Variants in ZNF407 observed in about 807,000 individuals in gnomAD.
ZNF407 encodes zinc finger protein 407.
ZNF407 carries 17 observed loss-of-function variants against 131.2 expected under a neutral mutation model. That is an observed-to-expected ratio of 0.13 (90% CI 0.09 to 0.19). ZNF407 has a LOEUF of 0.19. ZNF407 is among the 10% of genes least tolerant of loss of function. ZNF407 has a pLI of 1.00. For missense variants in ZNF407, 2,681 were observed against 2,830.6 expected (o/e 0.95, Z 1.20); for synonymous variants, 1,156 against 1,062.0 (o/e 1.09, Z -1.72).
chr18:74,992,215 A>G (rs1212479020), intron 8 of ZNF407, among the ~76,000 whole-genome samples: 2 of 152,260 alleles, frequency 1.3e-5, no homozygotes, highest in African/African-American at 4.8e-5. Context: ...AGAGACAGAC[A>G]CTGAACAAAA....
intron 8 of ZNF407, among the ~76,000 whole-genome samples, chr18:74,969,399 A>G (rs1347586295): frequency 6.6e-6 from 1 of 152,094 alleles, no homozygotes. Context: ...TTTTTATTTT[A>G]GTAGACGTTT....
intron 4 of ZNF407, among the ~76,000 whole-genome samples, chr18:74,844,978 A>G (rs911628678): frequency 2.0e-5 from 3 of 152,230 alleles, no homozygotes; most frequent in African/African-American, 7.2e-5. Context: ...ACCAGAAGGA[A>G]GAAGAGCCAG....
chr18:74,630,271 C>T (rs961816795), intron 1 of ZNF407, among the ~76,000 whole-genome samples: 3 of 150,752 alleles, frequency 2.0e-5, no homozygotes, highest in East Asian at 2.0e-4. Context: ...CCCGGGTTCA[C>T]GCCATTCTCC....
At chr18:74,711,956 C>G (rs530297914) in intron 3 of ZNF407, among the ~76,000 whole-genome samples, 149 of 152,286 alleles carry the variant, frequency 9.8e-4, no homozygotes, top group Middle Eastern at 3.4e-3. Flanking sequence ...GTGACCCACC[C>G]GCCTCGGCCT....
chr18:74,803,519 A>G (rs1366795923), intron 4 of ZNF407, among the ~76,000 whole-genome samples: 3 of 152,182 alleles, frequency 2.0e-5, no homozygotes, highest in Non-Finnish European at 2.9e-5. Context: ...TTGAGAATGC[A>G]TAGTGTTTAT....
At chr18:74,641,195 A>T in intron 3 of ZNF407, 73 bp downstream of exon 3, 1 of 1,242,302 alleles carries the variant, frequency 8.0e-7, no homozygotes. Context: ...TTCGGAATTC[A>T]AAACCGATAG....
chr18:74,827,994 A>G (rs141180287), intron 4 of ZNF407, among the ~76,000 whole-genome samples: 1 of 152,226 alleles, frequency 6.6e-6, no homozygotes, highest in Non-Finnish European at 1.5e-5. Flanking sequence ...CCCTATACAT[A>G]GCTGATTTCT....
rs947460972 is a variant in ZNF407, at chr18:74,804,455, C to T, written c.4877+22953C>T. 20 of 990,392 alleles carry T rather than the reference C, an allele frequency of 2.0e-5. No homozygotes were observed. In the East Asian group the frequency reaches 3.3e-4, roughly 16 times the overall value. The allele number at this position is 990,392 out of a possible 1,614,324, so 61.4% of individuals were successfully genotyped here. ...AACACATGACTTCAGAGAAGTCTTT[C>T]GTTAATCAGCACATGGATCTTGGTT... is the stretch of plus-strand genomic sequence containing the variant. On this transcript the variant is annotated intron_variant, in intron 4 of 8. Transcript: ENST00000299687.
chr18:74,723,709 G>T (rs553720351), intron 3 of ZNF407, among the ~76,000 whole-genome samples: 4 of 152,192 alleles, frequency 2.6e-5, no homozygotes, highest in South Asian at 2.1e-4. Flanking sequence ...TGGTTTTTCT[G>T]TTGTGAAAGG....
chr18:74,642,310 C>T (rs1356694757), intron 3 of ZNF407, among the ~76,000 whole-genome samples: 1 of 152,066 alleles, frequency 6.6e-6, no homozygotes, highest in Non-Finnish European at 1.5e-5. Flanking sequence ...CTGATTTTAG[C>T]TGCAAGGGTC....
chr18:74,786,793 GTTTTTTTT>G (rs869103622), intron 4 of ZNF407, among the ~76,000 whole-genome samples: 5 of 89,348 alleles, frequency 5.6e-5, no homozygotes, highest in Admixed American at 4.1e-4. Flanking sequence ...AAAAAAGTAT[GTTTTTTTT>G]TTTTTTTTTT....
intron 8 of ZNF407, among the ~76,000 whole-genome samples, chr18:75,050,817 G>A (rs750633689): frequency 1.2e-4 from 19 of 152,146 alleles, no homozygotes; most frequent in Admixed American, 2.6e-4. Flanking sequence ...CTCACAAAAA[G>A]CACCAAAACA....
intron 8 of ZNF407, among the ~76,000 whole-genome samples, chr18:75,031,750 C>T (rs1305321927): frequency 6.6e-6 from 1 of 152,182 alleles, no homozygotes; most frequent in Non-Finnish European, 1.5e-5. Flanking sequence ...GAATATGGAG[C>T]ATTTTCATAA....
At chr18:74,643,736 T>C (rs1354733101) in intron 3 of ZNF407, among the ~76,000 whole-genome samples, 5 of 151,980 alleles carry the variant, frequency 3.3e-5, no homozygotes, top group Admixed American at 6.6e-5. Flanking sequence ...TTTCAGATCT[T>C]TATATTAGAT....
chr18:74,886,398 A>G (rs1293364658), intron 6 of ZNF407, among the ~76,000 whole-genome samples: 1 of 145,868 alleles, frequency 6.9e-6, no homozygotes, highest in Non-Finnish European at 1.5e-5. Context: ...TATGCCTATC[A>G]TACTCCAGGA....
At chr18:74,996,210 G>A (rs1381725672) in intron 8 of ZNF407, among the ~76,000 whole-genome samples, 3 of 152,172 alleles carry the variant, frequency 2.0e-5, no homozygotes, top group Non-Finnish European at 2.9e-5. Flanking sequence ...ACTAGATGAG[G>A]CAGGCGCCAA....
chr18:74,975,448 T>C (rs1488455175), intron 8 of ZNF407, among the ~76,000 whole-genome samples: 1 of 152,236 alleles, frequency 6.6e-6, no homozygotes, highest in East Asian at 1.9e-4. Flanking sequence ...TTACCAGTGA[T>C]TAAAGGTCAT....
intron 3 of ZNF407, among the ~76,000 whole-genome samples, chr18:74,697,768 A>G (rs762277223): frequency 1.3e-5 from 2 of 152,190 alleles, no homozygotes; most frequent in Non-Finnish European, 2.9e-5. Context: ...AAGACCAGCA[A>G]TTAATACACT....
At chr18:75,033,056 G>A (rs1412789986) in intron 8 of ZNF407, among the ~76,000 whole-genome samples, 1 of 122,476 alleles carries the variant, frequency 8.2e-6, no homozygotes, top group Non-Finnish European at 1.6e-5. Context: ...GGAATGGGGG[G>A]AAGATAGTAT....
Sources: gnomAD v4.1 joint callset for allele counts (sites outside exome capture counted in the v4.1 genomes callset) on GRCh38, gnomAD v4.1.1 for gene constraint, MANE v1.5 for transcripts, NCBI Gene and HGNC (gene_info 2026-07-23, HGNC 2026-07-21) for gene names.